Variants in MEIKIN observed in about 807,000 individuals in gnomAD.
MEIKIN encodes meiotic kinetochore factor, also known as meiosis-specific kinetochore protein.
chr5:131,848,944 T>C (rs944692394), intron 11 of MEIKIN, among the ~76,000 whole-genome samples: 2 of 152,112 alleles, frequency 1.3e-5, no homozygotes, highest in Non-Finnish European at 2.9e-5. Context: ...CCACATATAG[T>C]AGAATGAAAG....
chr5:131,860,473 T>A (rs1750265048), intron 9 of MEIKIN, among the ~76,000 whole-genome samples: 1 of 152,030 alleles, frequency 6.6e-6, no homozygotes, highest in Non-Finnish European at 1.5e-5. Context: ...TGAGACAGAG[T>A]CTTGCTCTGT....
intron 11 of MEIKIN, among the ~76,000 whole-genome samples, chr5:131,836,295 C>T (rs1749806614): frequency 6.6e-6 from 1 of 152,130 alleles, no homozygotes; most frequent in Admixed American, 6.6e-5. Context: ...TCCAGTCTAT[C>T]ACTGATGGGC....
chr5:131,940,540 CTT>C (rs1041381561), intron 4 of MEIKIN, among the ~76,000 whole-genome samples: 5 of 152,164 alleles, frequency 3.3e-5, no homozygotes, highest in Admixed American at 1.3e-4. Flanking sequence ...TTTGTTGCCT[CTT>C]TTCCATGGAA....
chr5:131,884,379 G>A (rs901167294), intron 8 of MEIKIN, among the ~76,000 whole-genome samples: 1 of 152,054 alleles, frequency 6.6e-6, no homozygotes, highest in Non-Finnish European at 1.5e-5. Flanking sequence ...AGGGTACCAG[G>A]AAGAGCAGTA....
chr5:131,820,069 C>T (rs1272509815), intron 11 of MEIKIN, among the ~76,000 whole-genome samples: 2 of 109,642 alleles, frequency 1.8e-5, no homozygotes, highest in African/African-American at 3.7e-5. Context: ...GCCACCGCGC[C>T]CGGCCTTTTT....
At chr5:131,830,027 G>A (rs1194886305) in intron 11 of MEIKIN, among the ~76,000 whole-genome samples, 1 of 152,130 alleles carries the variant, frequency 6.6e-6, no homozygotes, top group Non-Finnish European at 1.5e-5. Flanking sequence ...ATTTACTCTA[G>A]GAGAAACACA....
intron 9 of MEIKIN, among the ~76,000 whole-genome samples, chr5:131,874,277 G>T (rs1157914566): frequency 1.3e-5 from 2 of 151,774 alleles, no homozygotes; most frequent in Non-Finnish European, 2.9e-5. Context: ...AAAGAGAGAA[G>T]AATCAAATAG....
chr5:131,919,151 T>C (rs944838031), intron 6 of MEIKIN, among the ~76,000 whole-genome samples: 1 of 152,046 alleles, frequency 6.6e-6, no homozygotes, highest in Non-Finnish European at 1.5e-5. Context: ...ATCATGGAAA[T>C]GCAAGTTAAA....
chr5:131,825,914 G>T (rs760929817), intron 11 of MEIKIN, among the ~76,000 whole-genome samples: 8 of 152,142 alleles, frequency 5.3e-5, no homozygotes, highest in Non-Finnish European at 1.2e-4. Context: ...ACAGTGGAAT[G>T]ATACCATCAA....
At chr5:131,835,208 G>GTGTATATATATATA (rs1196889380) in intron 11 of MEIKIN, among the ~76,000 whole-genome samples, 5 of 150,876 alleles carry the variant, frequency 3.3e-5, no homozygotes, top group African/African-American at 1.2e-4. Context: ...GTATATATAT[G>GTGTATATATATATA]TGTGTATATA....
chr5:131,876,811 C>G (rs1392815808), intron 9 of MEIKIN, among the ~76,000 whole-genome samples: 6 of 151,902 alleles, frequency 3.9e-5, no homozygotes, highest in South Asian at 4.2e-4. Flanking sequence ...GAATACTATG[C>G]AGCCATAAAA....
intron 11 of MEIKIN, among the ~76,000 whole-genome samples, chr5:131,844,900 G>C (rs902528409): frequency 2.0e-5 from 3 of 152,090 alleles, no homozygotes; most frequent in Non-Finnish European, 4.4e-5. Flanking sequence ...GACCTAAGAA[G>C]ACCTTAAGTT....
chr5:131,830,729 C>T (rs1749700750), intron 11 of MEIKIN, among the ~76,000 whole-genome samples: 1 of 152,158 alleles, frequency 6.6e-6, no homozygotes. Context: ...GAAAAACATA[C>T]ACACCTAGAA....
intron 12 of MEIKIN, among the ~76,000 whole-genome samples, chr5:131,817,692 T>C (rs954784711): frequency 6.6e-5 from 10 of 152,002 alleles, no homozygotes; most frequent in African/African-American, 2.4e-4. Flanking sequence ...ACAAATACAA[T>C]TATTAAGTAT....
At chr5:131,869,897 T>C (rs1750455734) in intron 9 of MEIKIN, among the ~76,000 whole-genome samples, 1 of 152,230 alleles carries the variant, frequency 6.6e-6, no homozygotes, top group South Asian at 2.1e-4. Flanking sequence ...GTCTCTTCAA[T>C]ATTTGGTGCA....
intron 11 of MEIKIN, among the ~76,000 whole-genome samples, chr5:131,835,873 G>A (rs1215132005): frequency 1.3e-5 from 2 of 152,192 alleles, no homozygotes; most frequent in African/African-American, 2.4e-5. Flanking sequence ...GATTATAGGC[G>A]TGAGCCACCA....
At chr5:131,887,871 C>T (rs1182073771) in intron 8 of MEIKIN, among the ~76,000 whole-genome samples, 4 of 121,928 alleles carry the variant, frequency 3.3e-5, no homozygotes, top group African/African-American at 1.3e-4. Context: ...CCCCCCACCC[C>T]ACAACAGGCC....
intron 8 of MEIKIN, among the ~76,000 whole-genome samples, chr5:131,903,456 G>A (rs1023422738): frequency 9.9e-5 from 15 of 152,174 alleles, no homozygotes; most frequent in African/African-American, 3.6e-4. Context: ...AGACCTATCA[G>A]CAGAAACCCC....
intron 6 of MEIKIN, among the ~76,000 whole-genome samples, chr5:131,921,249 T>A (rs1009618614): frequency 6.6e-6 from 1 of 152,224 alleles, no homozygotes; most frequent in African/African-American, 2.4e-5. Flanking sequence ...CAATGGCTCA[T>A]GCCTATAATC....
Sources: gnomAD v4.1 joint callset for allele counts (sites outside exome capture counted in the v4.1 genomes callset) on GRCh38, gnomAD v4.1.1 for gene constraint, MANE v1.5 for transcripts, NCBI Gene and HGNC (gene_info 2026-07-23, HGNC 2026-07-21) for gene names.